CDK14: variants seen among roughly 807,000 people sequenced by gnomAD.
CDK14 encodes the protein cyclin-dependent kinase 14.
Under a neutral mutation model 60.7 loss-of-function variants are expected in CDK14, and 34 were observed. That is an observed-to-expected ratio of 0.56 (90% CI 0.43 to 0.75). The LOEUF (loss-of-function observed/expected upper bound fraction) is 0.75. Among genes scored for constraint, CDK14 ranks in the 30% least tolerant of loss-of-function variants. CDK14 has a pLI of 0.00. For missense variants in CDK14, 482 were observed against 564.1 expected, an observed-to-expected ratio of 0.85 and a Z score of 1.47; for synonymous variants, 197 against 203.7, an observed-to-expected ratio of 0.97 and a Z score of 0.28.
chr7:91,048,258 CAT>C (rs543887971), intron 11 of CDK14, among the ~76,000 whole-genome samples: 66 of 152,208 alleles, frequency 4.3e-4, no homozygotes, highest in Non-Finnish European at 8.5e-4. Flanking sequence ...TTAGTTTTCT[CAT>C]ATTAAACACA....
chr7:90,651,574 G>A (rs1584770269), intron 2 of CDK14, among the ~76,000 whole-genome samples: 1 of 152,164 alleles, frequency 6.6e-6, no homozygotes, highest in African/African-American at 2.4e-5. Context: ...TACATAATGT[G>A]TGAGGCTTCT....
intron 2 of CDK14, among the ~76,000 whole-genome samples, chr7:90,605,188 C>G (rs1799392193): frequency 1.3e-5 from 2 of 152,182 alleles, no homozygotes; most frequent in African/African-American, 4.8e-5. Context: ...GGAAAGTCCC[C>G]TTGGCCATGT....
chr7:90,876,159 TACTG>T (rs1339629509), intron 6 of CDK14, among the ~76,000 whole-genome samples: 1 of 152,190 alleles, frequency 6.6e-6, no homozygotes, highest in Non-Finnish European at 1.5e-5. Flanking sequence ...TCACTGTAGG[TACTG>T]ACTAAGTCAT....
chr7:90,968,837 A>G (rs1037969332), intron 9 of CDK14, among the ~76,000 whole-genome samples: 1 of 151,476 alleles, frequency 6.6e-6, no homozygotes, highest in Non-Finnish European at 1.5e-5. Context: ...CAAAAAAAAA[A>G]CAGCTCTAGA....
intron 14 of CDK14, among the ~76,000 whole-genome samples, chr7:91,129,303 G>A (rs1800050616): frequency 6.6e-6 from 1 of 152,186 alleles, no homozygotes; most frequent in Admixed American, 6.5e-5. Flanking sequence ...GTATTCCTGG[G>A]CACTGTGTCT....
chr7:90,731,177 T>C lies in CDK14; in HGVS notation c.369+4365T>C, dbSNP rs544827320. ...TCAGATGGTTGTAGATGTGTGGTGT[T>C]ATTTCTCAGGTCTCTGTTCTGTTCA... is the stretch of plus-strand genomic sequence containing the variant. On this transcript the variant is annotated intron_variant, in intron 3 of 14. Transcript: ENST00000380050. Among the ~76,000 whole-genome samples, 6 of 152,332 alleles carry C rather than the reference T, an allele frequency of 3.9e-5. No individual in the cohort carries two copies. In the East Asian group the frequency reaches 9.6e-4, roughly 24 times the overall value.
chr7:90,974,064 C>G (rs936878286), intron 9 of CDK14, among the ~76,000 whole-genome samples: 1 of 152,116 alleles, frequency 6.6e-6, no homozygotes, highest in Non-Finnish European at 1.5e-5. Flanking sequence ...GACCTCCCCC[C>G]AGGAATGCAT....
chr7:90,798,832 G>T (rs555074304), intron 5 of CDK14, among the ~76,000 whole-genome samples: 1 of 152,170 alleles, frequency 6.6e-6, no homozygotes, highest in African/African-American at 2.4e-5. Flanking sequence ...CTCGATGGCA[G>T]CTTGGAGAAA....
chr7:90,860,463 A>G (rs1306357584), intron 5 of CDK14, among the ~76,000 whole-genome samples: 2 of 151,308 alleles, frequency 1.3e-5, no homozygotes, highest in Non-Finnish European at 2.9e-5. Context: ...TTAATCTAAA[A>G]TTTCTTTAAG....
intron 11 of CDK14, among the ~76,000 whole-genome samples, chr7:91,067,229 T>C (rs1798008603): frequency 6.6e-6 from 1 of 152,260 alleles, no homozygotes; most frequent in East Asian, 1.9e-4. Context: ...TTTCATCTAA[T>C]GGAACATTAC....
At chr7:91,100,479 G>A (rs1562904457) in intron 12 of CDK14, among the ~76,000 whole-genome samples, 1 of 152,056 alleles carries the variant, frequency 6.6e-6, no homozygotes, top group Non-Finnish European at 1.5e-5. Context: ...AAATAAACGA[G>A]GGCTCTTGTT....
At chr7:90,813,207 G>C (rs1789207600) in intron 5 of CDK14, among the ~76,000 whole-genome samples, 1 of 152,140 alleles carries the variant, frequency 6.6e-6, no homozygotes, top group Non-Finnish European at 1.5e-5. Context: ...CTGTCGCCCA[G>C]GCTGGAGTGC....
intron 6 of CDK14, among the ~76,000 whole-genome samples, chr7:90,869,935 G>A (rs1791310815): frequency 6.6e-6 from 1 of 152,134 alleles, no homozygotes; most frequent in Non-Finnish European, 1.5e-5. Context: ...CATTATCATT[G>A]CTTCTTTGGA....
intron 14 of CDK14, among the ~76,000 whole-genome samples, chr7:91,197,694 T>C (rs1802589339): frequency 6.6e-6 from 1 of 152,174 alleles, no homozygotes; most frequent in African/African-American, 2.4e-5. Context: ...GGAAAGTACT[T>C]TGGATAGGAG....
intron 11 of CDK14, among the ~76,000 whole-genome samples, chr7:91,068,236 A>G (rs776004409): frequency 1.4e-4 from 21 of 152,344 alleles, no homozygotes; most frequent in South Asian, 4.1e-4. Flanking sequence ...TTTGAAACAA[A>G]TAAATACACA....
chr7:90,709,330 G>T, intron 2 of CDK14: 1 of 1,002,452 alleles, frequency 1.0e-6, no homozygotes, highest in South Asian at 2.3e-5. Context: ...ATTTAATGGG[G>T]TTGTCACTCA....
chr7:90,695,192 G>A (rs180833304), intron 2 of CDK14, among the ~76,000 whole-genome samples: 1 of 152,130 alleles, frequency 6.6e-6, no homozygotes, highest in Admixed American at 6.5e-5. Context: ...CAGATTTCTT[G>A]TAGGGAATTT....
At chr7:91,139,548 C>G (rs1021373883) in intron 14 of CDK14, among the ~76,000 whole-genome samples, 1 of 152,146 alleles carries the variant, frequency 6.6e-6, no homozygotes, top group African/African-American at 2.4e-5. Flanking sequence ...CCATCACTCT[C>G]CACATCAAAG....
intron 2 of CDK14, among the ~76,000 whole-genome samples, chr7:90,715,673 TTTTC>T: frequency 6.6e-6 from 1 of 150,704 alleles, no homozygotes; most frequent in Non-Finnish European, 1.5e-5. Flanking sequence ...TTTTTTTTTT[TTTTC>T]TAGAGTAAGA....
Sources: gnomAD v4.1 joint callset for allele counts (sites outside exome capture counted in the v4.1 genomes callset) on GRCh38, gnomAD v4.1.1 for gene constraint, MANE v1.5 for transcripts, NCBI Gene and HGNC (gene_info 2026-07-23, HGNC 2026-07-21) for gene names.